The following HERC4 variants were observed in gnomAD, a reference collection of about 807,000 sequenced individuals.
HERC4 encodes HECT and RLD domain containing E3 ubiquitin protein ligase 4, also known as probable E3 ubiquitin-protein ligase HERC4.
HERC4 carries 28 observed loss-of-function variants against 124.3 expected under a neutral mutation model. The observed-to-expected ratio is 0.23, with a 90% CI of 0.17 to 0.31. The LOEUF (loss-of-function observed/expected upper bound fraction) is 0.31, where lower values mean the gene tolerates loss of function less well. Ranked by LOEUF, HERC4 falls within the 10% of genes least tolerant of loss-of-function variation. The probability of loss-of-function intolerance (pLI) is 1.00; values close to 1 mark genes in which losing one functional copy is unlikely to be tolerated. For missense variants in HERC4, 713 were observed against 1,229.3 expected, an observed-to-expected ratio of 0.58 and a Z score of 6.28; for synonymous variants, 407 against 421.5, an observed-to-expected ratio of 0.97 and a Z score of 0.42.
At chr10:68,031,253 G>A (rs770188325) in intron 7 of HERC4, among the ~76,000 whole-genome samples, 1 of 152,142 alleles carries the variant, frequency 6.6e-6, no homozygotes, top group Non-Finnish European at 1.5e-5. Flanking sequence ...ATGGTTATCT[G>A]AAAGGCTGAA....
chr10:68,066,018 C>T (rs1447555325), intron 3 of HERC4, among the ~76,000 whole-genome samples: 3 of 151,858 alleles, frequency 2.0e-5, no homozygotes, highest in African/African-American at 7.3e-5. Flanking sequence ...GAAAGAAGGT[C>T]AACCATGAGC....
At chr10:68,000,878 G>A (rs546898159) in intron 9 of HERC4, among the ~76,000 whole-genome samples, 2 of 152,180 alleles carry the variant, frequency 1.3e-5, no homozygotes, top group South Asian at 2.1e-4. Context: ...CTCTAAATTC[G>A]GACTTCTAGT....
intron 19 of HERC4, among the ~76,000 whole-genome samples, chr10:67,942,515 G>A (rs2032999576): frequency 6.6e-6 from 1 of 152,046 alleles, no homozygotes; most frequent in Non-Finnish European, 1.5e-5. Flanking sequence ...CAGTTTGTTT[G>A]TTTGTTTGTT....
intron 15 of HERC4, among the ~76,000 whole-genome samples, chr10:67,973,868 G>A (rs1180451684): frequency 6.6e-6 from 1 of 151,926 alleles, no homozygotes; most frequent in Non-Finnish European, 1.5e-5. Context: ...TCAACATGGT[G>A]AAACCCCATC....
At chr10:67,935,698 AC>A (rs1211509296) in intron 22 of HERC4, among the ~76,000 whole-genome samples, 1 of 152,136 alleles carries the variant, frequency 6.6e-6, no homozygotes, top group Non-Finnish European at 1.5e-5. Flanking sequence ...GCTAAGGGAA[AC>A]TAATTTCTTC....
chr10:68,038,350 TAC>T, intron 4 of HERC4, 181 bp from the exon 5 acceptor site: 2 of 353,056 alleles, frequency 5.7e-6, no homozygotes, highest in Non-Finnish European at 4.7e-6. Context: ...AAGAGCTAGA[TAC>T]AAAAAAAAAA....
chr10:68,067,445 C>T (rs910544731), intron 3 of HERC4, among the ~76,000 whole-genome samples: 8 of 152,302 alleles, frequency 5.3e-5, no homozygotes, highest in Admixed American at 3.3e-4. Flanking sequence ...AGTTATAAAA[C>T]GCAATGAGCT....
intron 24 of HERC4, 107 bp from the exon 25 acceptor site, chr10:67,923,246 C>T (rs1487909497): frequency 1.3e-5 from 10 of 760,098 alleles, no homozygotes; most frequent in Non-Finnish European, 2.2e-5. Context: ...AACATCTGCT[C>T]TAACGTGTTA....
chr10:67,991,770 A>C (rs1345585766), intron 11 of HERC4, among the ~76,000 whole-genome samples: 1 of 152,230 alleles, frequency 6.6e-6, no homozygotes, highest in Non-Finnish European at 1.5e-5. Flanking sequence ...ATAAAACCAG[A>C]AGGAACACAT....
At chr10:68,060,350 GC>G (rs1009343808) in intron 3 of HERC4, among the ~76,000 whole-genome samples, 4 of 152,000 alleles carry the variant, frequency 2.6e-5, no homozygotes, top group African/African-American at 9.7e-5. Context: ...CAATTCTCCT[GC>G]CTTAGTCTCC....
chr10:68,018,714 G>A (rs572388359), intron 8 of HERC4, among the ~76,000 whole-genome samples: 11 of 152,098 alleles, frequency 7.2e-5, no homozygotes, highest in African/African-American at 2.4e-4. Flanking sequence ...CATTAAAGAC[G>A]CACCTAGGAA....
intron 3 of HERC4, among the ~76,000 whole-genome samples, 179 bp from the exon 4 acceptor site, chr10:68,044,742 A>G (rs1344723253): frequency 2.0e-5 from 3 of 152,228 alleles, no homozygotes; most frequent in Non-Finnish European, 4.4e-5. Flanking sequence ...TATTCAACAA[A>G]TATGTTCCAA....
chr10:68,051,510 A>G (rs2040303410), intron 3 of HERC4, among the ~76,000 whole-genome samples: 1 of 147,378 alleles, frequency 6.8e-6, no homozygotes, highest in Non-Finnish European at 1.5e-5. Flanking sequence ...ATGCCCAGCT[A>G]GTTTTTTTTT....
chr10:67,972,219 GAAAAAAAAAA>G (rs767498811), intron 15 of HERC4, among the ~76,000 whole-genome samples: 1 of 51,198 alleles, frequency 2.0e-5, no homozygotes, highest in African/African-American at 6.7e-5. Flanking sequence ...TGTCTCAAAG[GAAAAAAAAAA>G]AAAAAAAAAA....
At chr10:67,966,588 A>T (rs1266878714) in intron 16 of HERC4, 95 bp downstream of exon 16, 14 of 1,230,392 alleles carry the variant, frequency 1.1e-5, no homozygotes, top group Non-Finnish European at 1.5e-5. Flanking sequence ...AAAAGTTCTG[A>T]AAAAACTTTC....
chr10:67,946,949 T>C (rs557976351), intron 19 of HERC4, among the ~76,000 whole-genome samples: 6 of 152,130 alleles, frequency 3.9e-5, no homozygotes, highest in African/African-American at 1.4e-4. Context: ...TATGCACCCA[T>C]ACTGGACTGC....
intron 8 of HERC4, among the ~76,000 whole-genome samples, chr10:68,019,169 T>C (rs1208788220): frequency 6.6e-6 from 1 of 151,996 alleles, no homozygotes; most frequent in Admixed American, 6.6e-5. Flanking sequence ...ACTAATTTTG[T>C]ATTTTTAGTA....
Position 68,033,992 on chromosome 10 carries a change from C to T in HERC4, c.658G>A (p.Gly220Ser). ...AIFGWGRNKF[G>S]QLGLNDENDR... ...TTTTCATCATTAAGACCTAGCTGAC[C>T]AAACTTGTTGCGTCCCCATCCAAAG... is the stretch of plus-strand genomic sequence containing the variant. The change falls in exon 6 of 25, where the codon GGT (glycine) becomes AGT (serine). Residue 220 changes from glycine (G) to serine (S), a missense_variant. Physicochemically the swap from Gly to Ser is moderately conservative, Grantham distance 56 (BLOSUM62 0). Coordinates refer to ENST00000373700, the MANE Select transcript of HERC4 (RefSeq NM_015601.4). 6.2e-7 allele frequency: 1 copy of T among 1,614,014 alleles called. No individual in the cohort carries two copies. The highest frequency in any genetic ancestry group is 8.5e-7 in the Non-Finnish European group (1 of 1,179,982).
intron 3 of HERC4, among the ~76,000 whole-genome samples, chr10:68,049,532 A>T (rs113098226): frequency 5.8e-5 from 8 of 138,904 alleles, no homozygotes; most frequent in African/African-American, 1.9e-4. Context: ...CAGAGGTTGC[A>T]GTGAGCCAAA....
Sources: gnomAD v4.1 joint callset for allele counts (sites outside exome capture counted in the v4.1 genomes callset) on GRCh38, gnomAD v4.1.1 for gene constraint, MANE v1.5 for transcripts, NCBI Gene and HGNC (gene_info 2026-07-23, HGNC 2026-07-21) for gene names.